The following CDH12 variants were observed in gnomAD, a reference collection of about 807,000 sequenced individuals.
The protein encoded by CDH12 is cadherin 12, also known as cadherin-12.
A neutral mutation model predicts 74.1 loss-of-function variants in CDH12; 41 were observed. The observed-to-expected ratio is 0.55, with a 90% CI of 0.43 to 0.72. The LOEUF is 0.72. CDH12 is among the 30% of genes least tolerant of loss of function. The pLI is 0.00. For synonymous variants in CDH12, 399 were observed against 355.0 expected, an observed-to-expected ratio of 1.12 and a Z score of -1.39; for missense variants, 945 against 977.2, an observed-to-expected ratio of 0.97 and a Z score of 0.44.
chr5:22,020,895 G>A (rs531849221), intron 5 of CDH12, among the ~76,000 whole-genome samples: 1 of 151,900 alleles, frequency 6.6e-6, no homozygotes, highest in African/African-American at 2.4e-5. Context: ...GTAAATTCCT[G>A]ATAAGAAATC....
At chr5:22,629,100 A>T (rs575143997) in intron 1 of CDH12, among the ~76,000 whole-genome samples, 3 of 152,104 alleles carry the variant, frequency 2.0e-5, no homozygotes, top group South Asian at 2.1e-4. Flanking sequence ...AAAGTGAATC[A>T]GTAATAAAAA....
At chr5:22,264,701 G>T (rs1753644916) in intron 3 of CDH12, among the ~76,000 whole-genome samples, 1 of 152,126 alleles carries the variant, frequency 6.6e-6, no homozygotes, top group South Asian at 2.1e-4. Context: ...CACCTCACTG[G>T]CCCTATTAGA....
chr5:22,057,521 C>T (rs1740824960), intron 5 of CDH12, among the ~76,000 whole-genome samples: 2 of 152,024 alleles, frequency 1.3e-5, no homozygotes, highest in African/African-American at 2.4e-5. Flanking sequence ...TCTTCCCTCC[C>T]GGGGGTGAGG....
At chr5:22,028,285 A>C (rs1580134965) in intron 5 of CDH12, among the ~76,000 whole-genome samples, 1 of 152,144 alleles carries the variant, frequency 6.6e-6, no homozygotes. Context: ...AGAAGGAAAT[A>C]AAGGGTATTC....
At chr5:22,767,572 A>G (rs912073364) in intron 1 of CDH12, among the ~76,000 whole-genome samples, 1 of 151,946 alleles carries the variant, frequency 6.6e-6, no homozygotes, top group Non-Finnish European at 1.5e-5. Flanking sequence ...TAATATAATA[A>G]TTACCTGAAT....
chr5:22,688,714 T>C (rs1741935431), intron 1 of CDH12, among the ~76,000 whole-genome samples: 1 of 152,008 alleles, frequency 6.6e-6, no homozygotes, highest in Non-Finnish European at 1.5e-5. Flanking sequence ...CCAAAAATAA[T>C]AGGATGTTGT....
At chr5:22,117,477 AT>A (rs869162719) in intron 4 of CDH12, among the ~76,000 whole-genome samples, 23,687 of 50,898 alleles carry the variant, frequency 0.47, 5,359 homozygotes, top group East Asian at 0.49. Context: ...TAATATATAT[AT>A]TATATATATA....
chr5:22,287,216 T>C (rs1386107851), intron 3 of CDH12, among the ~76,000 whole-genome samples: 1 of 152,164 alleles, frequency 6.6e-6, no homozygotes, highest in Non-Finnish European at 1.5e-5. Flanking sequence ...AAGAAGAGTC[T>C]CCTTTTGCCA....
intron 12 of CDH12, among the ~76,000 whole-genome samples, chr5:21,764,015 T>C (rs1744865645): frequency 6.6e-6 from 1 of 152,132 alleles, no homozygotes; most frequent in South Asian, 2.1e-4. Flanking sequence ...AAATAAGAAA[T>C]ATACTGGGAA....
chr5:22,394,968 T>A (rs971896644), intron 3 of CDH12, among the ~76,000 whole-genome samples: 1 of 152,088 alleles, frequency 6.6e-6, no homozygotes, highest in African/African-American at 2.4e-5. Flanking sequence ...TCACATAAAT[T>A]TTCAGGGGCT....
chr5:22,834,471 T>A (rs957195464), intron 1 of CDH12, among the ~76,000 whole-genome samples: 1 of 152,162 alleles, frequency 6.6e-6, no homozygotes, highest in African/African-American at 2.4e-5. Flanking sequence ...ACATTTATTA[T>A]AAAACGATGT....
chr5:22,684,953 G>C (rs571666446), intron 1 of CDH12, among the ~76,000 whole-genome samples: 1 of 152,072 alleles, frequency 6.6e-6, no homozygotes, highest in African/African-American at 2.4e-5. Flanking sequence ...TCCTCCAATA[G>C]GCTCAGAAAG....
At chr5:21,919,251 T>C (rs1467010086) in intron 6 of CDH12, among the ~76,000 whole-genome samples, 1 of 152,204 alleles carries the variant, frequency 6.6e-6, no homozygotes, top group Non-Finnish European at 1.5e-5. Flanking sequence ...AACTGAGCCA[T>C]TTTCCTCATT....
At chr5:22,582,818 C>T (rs970675466) in intron 1 of CDH12, among the ~76,000 whole-genome samples, 7 of 152,024 alleles carry the variant, frequency 4.6e-5, no homozygotes, top group Non-Finnish European at 1.0e-4. Context: ...ATGGTCAAAA[C>T]GTCATCTGAA....
intron 1 of CDH12, among the ~76,000 whole-genome samples, chr5:22,578,972 C>T (rs554141983): frequency 6.6e-6 from 1 of 152,236 alleles, no homozygotes; most frequent in East Asian, 1.9e-4. Context: ...TGAGTGATTA[C>T]ATTTATCTCA....
At chr5:22,819,227 G>A (rs565259708) in intron 1 of CDH12, among the ~76,000 whole-genome samples, 1 of 152,200 alleles carries the variant, frequency 6.6e-6, no homozygotes, top group Admixed American at 6.6e-5. Flanking sequence ...TAAAGGAACA[G>A]GTGACAAAGT....
At chr5:21,985,165 AATTT>A (rs916776507) in intron 5 of CDH12, among the ~76,000 whole-genome samples, 6 of 152,114 alleles carry the variant, frequency 3.9e-5, no homozygotes, top group Non-Finnish European at 5.9e-5. Flanking sequence ...AAATATTAAC[AATTT>A]ATTTGTCATT....
At chr5:22,570,495 C>T (rs1289476305) in intron 1 of CDH12, among the ~76,000 whole-genome samples, 6 of 151,678 alleles carry the variant, frequency 4.0e-5, no homozygotes, top group African/African-American at 1.5e-4. Context: ...TGACCAGATG[C>T]AATGTCTATG....
At chr5:22,090,035 G>A (rs1278561249) in intron 4 of CDH12, among the ~76,000 whole-genome samples, 3 of 151,584 alleles carry the variant, frequency 2.0e-5, no homozygotes, top group Admixed American at 6.6e-5. Context: ...ACAATCAGAA[G>A]TAGTAAAGAT....
Sources: gnomAD v4.1 joint callset for allele counts (sites outside exome capture counted in the v4.1 genomes callset) on GRCh38, gnomAD v4.1.1 for gene constraint, MANE v1.5 for transcripts, NCBI Gene and HGNC (gene_info 2026-07-23, HGNC 2026-07-21) for gene names.